Variants in AKT3 observed in about 807,000 individuals in gnomAD.
AKT3 encodes the protein AKT serine/threonine kinase 3, also known as RAC-gamma serine/threonine-protein kinase.
A neutral mutation model predicts 65.3 loss-of-function variants in AKT3; 15 were observed. The ratio of observed to expected loss-of-function variants is 0.23; its 90% confidence interval spans 0.15 to 0.35. AKT3 has a LOEUF of 0.35. Ranked by LOEUF, AKT3 falls within the 10% of genes least tolerant of loss-of-function variation. The pLI is 1.00. For synonymous variants in AKT3, 206 were observed against 183.8 expected (o/e 1.12, Z -0.98); for missense variants, 243 against 576.5 (o/e 0.42, Z 5.92).
At chr1:243,759,006 C>T (rs971148868) in intron 2 of AKT3, among the ~76,000 whole-genome samples, 1 of 152,156 alleles carries the variant, frequency 6.6e-6, no homozygotes. Context: ...TAAGTAGGAT[C>T]AGTGGGGCTG....
chr1:243,567,272 G>A (rs1437167531), intron 9 of AKT3, among the ~76,000 whole-genome samples: 2 of 152,014 alleles, frequency 1.3e-5, no homozygotes, highest in Non-Finnish European at 2.9e-5. Context: ...GTGACAGAGT[G>A]AAATCCTGTC....
chr1:243,776,108 G>A (rs1690525931), intron 2 of AKT3, among the ~76,000 whole-genome samples: 2 of 152,030 alleles, frequency 1.3e-5, no homozygotes, highest in Non-Finnish European at 2.9e-5. Context: ...TTCCTACATT[G>A]CCCTTCTTAA....
chr1:243,751,731 G>C (rs1688823319), intron 2 of AKT3, among the ~76,000 whole-genome samples: 1 of 152,108 alleles, frequency 6.6e-6, no homozygotes, highest in African/African-American at 2.4e-5. Flanking sequence ...GACATGCATG[G>C]AAGAGCTGAA....
At chr1:243,827,358 T>C (rs189613167) in intron 2 of AKT3, among the ~76,000 whole-genome samples, 5 of 152,180 alleles carry the variant, frequency 3.3e-5, no homozygotes, top group Non-Finnish European at 7.4e-5. Flanking sequence ...TGGATGTTTC[T>C]TGATTTATCA....
At chr1:243,730,039 C>T (rs1042466748) in intron 2 of AKT3, among the ~76,000 whole-genome samples, 2 of 152,194 alleles carry the variant, frequency 1.3e-5, no homozygotes, top group African/African-American at 4.8e-5. Flanking sequence ...CTTCAGGGCA[C>T]ACACAGCATG....
At chr1:243,834,482 T>C (rs1057159054) in intron 2 of AKT3, among the ~76,000 whole-genome samples, 4 of 152,256 alleles carry the variant, frequency 2.6e-5, no homozygotes, top group Non-Finnish European at 5.9e-5. Flanking sequence ...GTATACTCGA[T>C]GTTTCAAGAA....
rs1394331728 is a variant in AKT3 at position 243,608,267 on chromosome 1, G to A, written c.696+5404C>T. The stretch of plus-strand genomic sequence containing the variant: ...TGACTTCAACATTGCTACATGGCAT[G>A]TGACTTATATTGACAAACACATAAA... On this transcript the variant is annotated intron_variant, in intron 8 of 13. Transcript: ENST00000673466. Among the ~76,000 whole-genome samples, 5 of 152,154 alleles carry A rather than the reference G, an allele frequency of 3.3e-5. No individual in the cohort carries two copies. In the East Asian group the frequency reaches 9.6e-4, roughly 29 times the overall value.
chr1:243,745,240 T>C (rs1688407213), intron 2 of AKT3, among the ~76,000 whole-genome samples: 1 of 152,062 alleles, frequency 6.6e-6, no homozygotes, highest in Non-Finnish European at 1.5e-5. Context: ...CTCAAGAGGC[T>C]GAGGTGGAAG....
chr1:243,538,806 C>T (rs1347322294), intron 12 of AKT3, among the ~76,000 whole-genome samples: 1 of 149,802 alleles, frequency 6.7e-6, no homozygotes, highest in African/African-American at 2.5e-5. Context: ...ATCCAGCCTG[C>T]ACAAAATAGC....
At chr1:243,763,482 T>C (rs936082327) in intron 2 of AKT3, among the ~76,000 whole-genome samples, 2 of 152,116 alleles carry the variant, frequency 1.3e-5, no homozygotes, top group African/African-American at 4.8e-5. Context: ...CAAAAGACTC[T>C]ACCAGCCCTT....
chr1:243,797,666 G>A (rs1457814715), intron 2 of AKT3, among the ~76,000 whole-genome samples: 3 of 152,034 alleles, frequency 2.0e-5, no homozygotes, highest in African/African-American at 7.2e-5. Flanking sequence ...TTTGATTGGA[G>A]GGTTAAACAG....
chr1:243,690,340 C>G (rs765146762), intron 3 of AKT3, among the ~76,000 whole-genome samples: 6 of 152,146 alleles, frequency 3.9e-5, no homozygotes, highest in Non-Finnish European at 7.3e-5. Context: ...GACTCCTGGA[C>G]AGACAAACTG....
At chr1:243,797,083 T>G (rs1171571440) in intron 2 of AKT3, among the ~76,000 whole-genome samples, 4 of 152,086 alleles carry the variant, frequency 2.6e-5, no homozygotes, top group African/African-American at 9.7e-5. Context: ...TGCATGTACT[T>G]GATGTCGCTG....
At chr1:243,488,348 T>C (rs1665503014) in exon 14 of AKT3, 1 of 153,536 alleles carries the variant, frequency 6.5e-6, no homozygotes, top group Non-Finnish European at 1.4e-5. Context: ...AGGCCACACA[T>C]CTCGCTTCTT....
At chr1:243,673,062 G>T (rs1021858750) in intron 3 of AKT3, among the ~76,000 whole-genome samples, 1 of 152,092 alleles carries the variant, frequency 6.6e-6, no homozygotes, top group African/African-American at 2.4e-5. Flanking sequence ...TTTGATTTTG[G>T]TTTTTGCAGT....
chr1:243,532,749 T>TCTTTA (rs1671627719), intron 12 of AKT3, among the ~76,000 whole-genome samples: 1 of 152,222 alleles, frequency 6.6e-6, no homozygotes, highest in African/African-American at 2.4e-5. Context: ...AAGTGTTGGG[T>TCTTTA]AGACTTCCCC....
At chr1:243,559,121 GCA>G (rs1673595683) in intron 10 of AKT3, among the ~76,000 whole-genome samples, 1 of 152,012 alleles carries the variant, frequency 6.6e-6, no homozygotes, top group Admixed American at 6.6e-5. Flanking sequence ...TGAAAATACA[GCA>G]CAGATTATAA....
chr1:243,578,080 C>T (rs2148517993), intron 8 of AKT3, among the ~76,000 whole-genome samples: 1 of 152,184 alleles, frequency 6.6e-6, no homozygotes, highest in Non-Finnish European at 1.5e-5. Context: ...TTTTACAATG[C>T]TGGTGGGAAT....
intron 2 of AKT3, among the ~76,000 whole-genome samples, chr1:243,801,399 G>A (rs1420017975): frequency 2.6e-5 from 4 of 152,106 alleles, no homozygotes; most frequent in African/African-American, 4.8e-5. Flanking sequence ...ATCAACCCAT[G>A]TATTTCATAT....
Sources: gnomAD v4.1 joint callset for allele counts (sites outside exome capture counted in the v4.1 genomes callset) on GRCh38, gnomAD v4.1.1 for gene constraint, MANE v1.5 for transcripts, NCBI Gene and HGNC (gene_info 2026-07-23, HGNC 2026-07-21) for gene names.